Variants in CLDN16 observed in about 807,000 individuals in gnomAD.
The protein encoded by CLDN16 is claudin-16.
A neutral mutation model predicts 24.6 loss-of-function variants in CLDN16; 13 were observed. That is an observed-to-expected ratio of 0.53 (90% CI 0.34 to 0.84). The LOEUF (loss-of-function observed/expected upper bound fraction) is 0.84, where lower values mean the gene tolerates loss of function less well. CLDN16 is among the 40% of genes least tolerant of loss of function. The pLI, the probability that CLDN16 is intolerant of heterozygous loss-of-function variation, is 0.01. For missense variants in CLDN16, 298 were observed against 292.7 expected (o/e 1.02, Z -0.13); for synonymous variants, 116 against 106.7 (o/e 1.09, Z -0.54).
At chr3:190,337,627 C>T (rs1426163474) in intron 1 of CLDN16, among the ~76,000 whole-genome samples, 1 of 152,176 alleles carries the variant, frequency 6.6e-6, no homozygotes, top group African/African-American at 2.4e-5. Context: ...TATTCTTTGA[C>T]AAAACCAGCC....
intron 1 of CLDN16, among the ~76,000 whole-genome samples, chr3:190,362,599 A>C (rs2108642271): frequency 6.6e-6 from 1 of 152,106 alleles, no homozygotes; most frequent in East Asian, 1.9e-4. Context: ...TGTCTTGATA[A>C]ATTGGCTCTG....
At chr3:190,323,357 A>G (rs996288474) in intron 1 of CLDN16, among the ~76,000 whole-genome samples, 1 of 152,126 alleles carries the variant, frequency 6.6e-6, no homozygotes, top group African/African-American at 2.4e-5. Context: ...TGGCAAAAGG[A>G]CTGGGCTGGA....
At chr3:190,293,963 A>G in the CLDN16 span, among the ~76,000 whole-genome samples, 23,586 of 152,206 alleles carry the variant, frequency 0.15, 2,005 homozygotes, top group Middle Eastern at 0.21. Flanking sequence ...CAAGTACTGT[A>G]TAACAAGTGT....
At chr3:190,377,620 T>C (rs1577416149) in intron 3 of CLDN16, among the ~76,000 whole-genome samples, 1 of 152,184 alleles carries the variant, frequency 6.6e-6, no homozygotes, top group East Asian at 1.9e-4. Context: ...TTAATCACTA[T>C]GAAAAGCTCT....
chr3:190,306,360 CT>C, the CLDN16 span: 4 of 152,350 alleles, frequency 2.6e-5, no homozygotes, highest in East Asian at 7.7e-4. Context: ...ACTTGAGAGA[CT>C]GGTTAAGGCA....
At chr3:190,402,248 AAC>A (rs1268468646) in intron 1 of CLDN16, 87 bp from the exon 2 acceptor site, 1 of 992,818 alleles carries the variant, frequency 1.0e-6, no homozygotes, top group African/African-American at 1.6e-5. Flanking sequence ...TTTGCTATCA[AAC>A]ACAACCACCA....
intron 1 of CLDN16, among the ~76,000 whole-genome samples, chr3:190,362,308 G>A (rs757069198): frequency 5.3e-5 from 8 of 151,666 alleles, no homozygotes; most frequent in East Asian, 2.0e-4. Flanking sequence ...TCATTCCATC[G>A]AACAGCTGAC....
intron 1 of CLDN16, among the ~76,000 whole-genome samples, chr3:190,359,888 A>C (rs1717849618): frequency 6.6e-6 from 1 of 152,000 alleles, no homozygotes; most frequent in Non-Finnish European, 1.5e-5. Flanking sequence ...GCCTAAAAGG[A>C]GCTATGAGGC....
rs10663299 is a variant in CLDN16 at position 190,363,554 on chromosome 3, G to GCATATATATATATA, written n.122-7339_122-7338insCATATATATATATA. 1.2e-3 allele frequency among the ~76,000 whole-genome samples: 99 copies of GCATATATATATATA among 81,332 alleles called. 14 individuals carry two copies. The highest frequency in any genetic ancestry group is 1.4e-3 in the Non-Finnish European group (61 of 43,648). The allele number at this position is 81,332 out of a possible 152,430, so 53.4% of individuals were successfully genotyped here. The stretch of plus-strand genomic sequence containing the variant: ...CCAGTTGCTGTGCGTGTGTGTGTGT[G>GCATATATATATATA]TGTATATATATATATATATATATAT... On this transcript the variant is annotated intron_variant and non_coding_transcript_variant, in intron 1 of 4. Coordinates refer to the CLDN16 transcript ENST00000468220.
the CLDN16 span, among the ~76,000 whole-genome samples, chr3:190,309,329 A>G: frequency 5.9e-5 from 9 of 152,254 alleles, no homozygotes; most frequent in African/African-American, 2.2e-4. Context: ...CTATTCTTAC[A>G]CTGTAAATCT....
the CLDN16 span, among the ~76,000 whole-genome samples, chr3:190,296,750 C>T: frequency 6.6e-6 from 1 of 151,700 alleles, no homozygotes; most frequent in Non-Finnish European, 1.5e-5. Flanking sequence ...GGGGGTTTCA[C>T]CGTGTTAGCC....
intron 1 of CLDN16, among the ~76,000 whole-genome samples, chr3:190,333,531 C>CT (rs1717227241): frequency 7.0e-6 from 1 of 143,566 alleles, no homozygotes; most frequent in Non-Finnish European, 1.5e-5. Flanking sequence ...ATCAGTCTAT[C>CT]ATCTATCTAT....
At chr3:190,337,106 T>C (rs1717328817) in intron 1 of CLDN16, among the ~76,000 whole-genome samples, 1 of 152,188 alleles carries the variant, frequency 6.6e-6, no homozygotes, top group African/African-American at 2.4e-5. Context: ...GTGTGGACAA[T>C]GGACTGCTGT....
chr3:190,392,133 A>C (rs1718695162), intron 1 of CLDN16, among the ~76,000 whole-genome samples: 1 of 147,906 alleles, frequency 6.8e-6, no homozygotes. Flanking sequence ...TCACTAATGG[A>C]CTGGTGGTGT....
At chr3:190,408,250 G>T in intron 3 of CLDN16, 64 bp from the exon 4 acceptor site, 1 of 1,471,006 alleles carries the variant, frequency 6.8e-7, no homozygotes, top group Non-Finnish European at 9.5e-7. Flanking sequence ...TAGTAAGCAG[G>T]TATTTTTGGA....
chr3:190,300,536 T>C, the CLDN16 span, among the ~76,000 whole-genome samples: 1 of 152,184 alleles, frequency 6.6e-6, no homozygotes, highest in Non-Finnish European at 1.5e-5. Flanking sequence ...ATGATTTACA[T>C]ATTTCGAAGA....
At chr3:190,330,046 CA>C (rs1560079724) in intron 1 of CLDN16, among the ~76,000 whole-genome samples, 18 of 141,896 alleles carry the variant, frequency 1.3e-4, no homozygotes, top group South Asian at 4.9e-4. Context: ...GTCCCCCCTC[CA>C]CCAGCATCAC....
At chr3:190,336,644 A>G (rs1164586490) in intron 1 of CLDN16, among the ~76,000 whole-genome samples, 6 of 152,330 alleles carry the variant, frequency 3.9e-5, no homozygotes, top group African/African-American at 1.4e-4. Flanking sequence ...CTATAGTTGC[A>G]TAAAAGTTAT....
chr3:190,315,043 A>C, the CLDN16 span, among the ~76,000 whole-genome samples: 109 of 152,296 alleles, frequency 7.2e-4, 1 homozygote, highest in Middle Eastern at 3.4e-3. Context: ...GAAAGTACCA[A>C]GGGCTCCATG....
Sources: allele counts gnomAD v4.1 joint callset (sites outside exome capture counted in the v4.1 genomes callset), GRCh38; gene constraint gnomAD v4.1.1; transcripts MANE v1.5; gene names NCBI Gene and HGNC (gene_info 2026-07-23, HGNC 2026-07-21).